FGF7: variants seen among roughly 807,000 people sequenced by gnomAD.
FGF7 encodes the protein FGF-7.
Under a neutral mutation model 20.5 loss-of-function variants are expected in FGF7, and 6 were observed. That is an observed-to-expected ratio of 0.29 (90% confidence interval 0.16 to 0.58). The LOEUF is 0.58. Among genes scored for constraint, FGF7 ranks in the 20% least tolerant of loss-of-function variants. FGF7 has a pLI of 0.90. For missense variants in FGF7, 144 were observed against 228.8 expected (o/e 0.63, Z 2.39); for synonymous variants, 64 against 74.7 (o/e 0.86, Z 0.74).
chr15:49,457,765 T>C (rs2053443734), intron 2 of FGF7, among the ~76,000 whole-genome samples: 2 of 151,914 alleles, frequency 1.3e-5, no homozygotes, highest in African/African-American at 4.8e-5. Context: ...TATTTAAAAT[T>C]AAAAGAATTG....
chr15:49,458,633 A>AT (rs1194527891), intron 2 of FGF7, among the ~76,000 whole-genome samples: 1 of 152,084 alleles, frequency 6.6e-6, no homozygotes, highest in East Asian at 1.9e-4. Flanking sequence ...ATGTTCCCAT[A>AT]TTTTCTGACT....
intron 2 of FGF7, among the ~76,000 whole-genome samples, chr15:49,453,223 G>A (rs17479003): frequency 0.18 from 26,611 of 151,386 alleles, 2,604 homozygotes; most frequent in Non-Finnish European, 0.22. Context: ...AATCTAATAC[G>A]TCATTTCAAC....
rs144711713 is a variant in FGF7 at position 49,442,122 on chromosome 15, A to G, written c.286+17539A>G. Among the ~76,000 whole-genome samples, 174 of 151,758 alleles carry G rather than the reference A, an allele frequency of 1.1e-3. 1 individual carries two copies. The highest frequency in any genetic ancestry group is 4.1e-3 in the African/African-American group (171 of 41,486). ...ATAAAGGTATTGTAAGGCTTCTCTC[A>G]GCTCTTCATTAAGAAACTCTATCAT... On this transcript the variant is annotated intron_variant, in intron 2 of 3. Coordinates refer to ENST00000267843, the MANE Select transcript of FGF7 (RefSeq NM_002009.4).
At chr15:49,427,288 C>T (rs2050211714) in intron 2 of FGF7, among the ~76,000 whole-genome samples, 1 of 151,920 alleles carries the variant, frequency 6.6e-6, no homozygotes, top group African/African-American at 2.4e-5. Flanking sequence ...TGTTTACATT[C>T]CTCAATCATT....
intron 2 of FGF7, among the ~76,000 whole-genome samples, chr15:49,478,531 A>G (rs913192512): frequency 1.3e-5 from 2 of 152,188 alleles, no homozygotes; most frequent in African/African-American, 4.8e-5. Flanking sequence ...AAATCATAAA[A>G]TGTATTTAAA....
At chr15:49,444,923 C>T (rs2052043445) in intron 2 of FGF7, among the ~76,000 whole-genome samples, 1 of 151,458 alleles carries the variant, frequency 6.6e-6, no homozygotes, top group Non-Finnish European at 1.5e-5. Context: ...TAATTAGAAG[C>T]TTTGTGTGTA....
At chr15:49,433,300 T>A (rs2050782181) in intron 2 of FGF7, among the ~76,000 whole-genome samples, 1 of 151,672 alleles carries the variant, frequency 6.6e-6, no homozygotes, top group Admixed American at 6.6e-5. Flanking sequence ...CACTAGAATG[T>A]CAGTTCTGAG....
chr15:49,464,994 A>T lies in FGF7; in HGVS notation c.287-18157A>T, dbSNP rs190095940. ...ACACCTTAACTAGTTTCTAATTAAG[A>T]AACTATAATGTTATAAATGTCTAGT... On this transcript the variant is annotated intron_variant, in intron 2 of 3. Transcript: ENST00000267843. Among the ~76,000 whole-genome samples, 9 of 152,354 alleles carry T rather than the reference A, an allele frequency of 5.9e-5. No individual in the cohort carries two copies. The East Asian group carries it at 1.7e-3, about 29-fold the overall frequency.
intron 2 of FGF7, among the ~76,000 whole-genome samples, chr15:49,478,530 A>G (rs2055579134): frequency 1.3e-5 from 2 of 152,144 alleles, no homozygotes; most frequent in Admixed American, 1.3e-4. Flanking sequence ...AAAATCATAA[A>G]ATGTATTTAA....
At position 49,437,768 on chromosome 15, in the gene FGF7, C is replaced by T. The variant is rs369971939; in HGVS notation, c.286+13185C>T. Among the ~76,000 whole-genome samples, 4 of 151,686 alleles carry T rather than the reference C, an allele frequency of 2.6e-5. No homozygotes were observed. The East Asian group carries it at 7.8e-4, about 30-fold the overall frequency. ...TATGCACAGATACACAATGCAAGCA[C>T]CCACCATTGAAAAAATTCAGCCTAT... On this transcript the variant is annotated intron_variant, in intron 2 of 3. Transcript: ENST00000267843.
chr15:49,423,740 A>G (rs1037235535), intron 1 of FGF7, among the ~76,000 whole-genome samples: 2 of 152,154 alleles, frequency 1.3e-5, no homozygotes, highest in East Asian at 1.9e-4. Context: ...TAATTGTAAA[A>G]ACTTAATTTA....
intron 2 of FGF7, among the ~76,000 whole-genome samples, chr15:49,482,315 C>T (rs2056024916): frequency 6.6e-6 from 1 of 151,904 alleles, no homozygotes; most frequent in Non-Finnish European, 1.5e-5. Context: ...TAGTAAGTTA[C>T]CATTCTTGTG....
chr15:49,447,821 A>G (rs903092674), intron 2 of FGF7, among the ~76,000 whole-genome samples: 159 of 151,778 alleles, frequency 1.0e-3, no homozygotes, highest in African/African-American at 3.8e-3. Flanking sequence ...ACATGAAAAC[A>G]TAAAATCCAA....
At chr15:49,478,049 T>C (rs2055522036) in intron 2 of FGF7, among the ~76,000 whole-genome samples, 1 of 152,234 alleles carries the variant, frequency 6.6e-6, no homozygotes. Context: ...TAGTACCTAA[T>C]GGTTTTTCAA....
chr15:49,471,271 G>A (rs202078671), intron 2 of FGF7, among the ~76,000 whole-genome samples: 4 of 146,666 alleles, frequency 2.7e-5, no homozygotes, highest in Non-Finnish European at 6.0e-5. Context: ...GGATCACCTA[G>A]GTCAGGAGTT....
Position 49,488,230 on chromosome 15 carries a change from T to G in FGF7, c.*3726T>G, listed in dbSNP as rs1255009134. ...AATATGTATCTTAATATGAAATAGC[T>G]CATTAAAACTTCATGTGTAACTATT... On this transcript the variant is annotated 3_prime_UTR_variant, in exon 4 of 4. Transcript: ENST00000267843. The G allele has an allele frequency of 6.6e-6, 1 of 151,956 alleles. No homozygotes were observed. Among genetic ancestry groups the G allele is most frequent in the African/African-American group, 2.4e-5 (1 of 41,414 alleles). The allele number at this position is 151,956 out of a possible 1,614,324, so 9.4% of individuals were successfully genotyped here. A position where few individuals can be genotyped will look rare whatever the true frequency, so the allele number is the denominator to read the frequency against.
intron 2 of FGF7, among the ~76,000 whole-genome samples, chr15:49,474,495 C>G (rs1445942247): frequency 1.3e-5 from 2 of 151,976 alleles, no homozygotes; most frequent in Non-Finnish European, 2.9e-5. Context: ...AGCTGACAGA[C>G]AGGTAAATCA....
At chr15:49,468,223 A>C (rs1458820605) in intron 2 of FGF7, among the ~76,000 whole-genome samples, 3 of 152,166 alleles carry the variant, frequency 2.0e-5, no homozygotes, top group Admixed American at 1.3e-4. Flanking sequence ...ATTAATAAGA[A>C]GTATGTTTGA....
intron 2 of FGF7, among the ~76,000 whole-genome samples, chr15:49,464,383 C>G (rs2054078594): frequency 6.6e-6 from 1 of 152,266 alleles, no homozygotes; most frequent in African/African-American, 2.4e-5. Flanking sequence ...TGAGATTCCT[C>G]TAAAATGATC....
Sources: gnomAD v4.1 joint callset for allele counts (sites outside exome capture counted in the v4.1 genomes callset) on GRCh38, gnomAD v4.1.1 for gene constraint, MANE v1.5 for transcripts, NCBI Gene and HGNC (gene_info 2026-07-23, HGNC 2026-07-21) for gene names.